Variants in BMPR1A observed in about 807,000 individuals in gnomAD.
BMPR1A encodes the protein bone morphogenetic protein receptor type 1A.
A neutral mutation model predicts 66.0 loss-of-function variants in BMPR1A; 7 were observed. The ratio of observed to expected loss-of-function variants is 0.11; its 90% CI spans 0.06 to 0.20. The LOEUF is 0.20. Among genes scored for constraint, BMPR1A ranks in the 10% least tolerant of loss-of-function variants. BMPR1A has a pLI of 1.00. For missense variants in BMPR1A, 408 were observed against 669.1 expected (o/e 0.61, Z 4.31); for synonymous variants, 200 against 229.7 (o/e 0.87, Z 1.17).
At chr10:86,813,923 G>T (rs535304820) in intron 1 of BMPR1A, among the ~76,000 whole-genome samples, 5 of 152,104 alleles carry the variant, frequency 3.3e-5, no homozygotes, top group Non-Finnish European at 7.3e-5. Context: ...GTTTATACTC[G>T]AAAGTTCTAC....
At chr10:86,774,764 T>G (rs1162975951) in intron 1 of BMPR1A, among the ~76,000 whole-genome samples, 1 of 152,218 alleles carries the variant, frequency 6.6e-6, no homozygotes, top group Non-Finnish European at 1.5e-5. Flanking sequence ...CAAGGATGAT[T>G]TGACCTTAGG....
At chr10:86,923,298 T>C in intron 11 of BMPR1A, 78 bp from the exon 12 acceptor site, 2 of 1,584,020 alleles carry the variant, frequency 1.3e-6, no homozygotes, top group Non-Finnish European at 1.7e-6. Flanking sequence ...TTCCATAGTT[T>C]AGCAAAAGAT....
At chr10:86,765,775 A>G (rs1841151854) in intron 1 of BMPR1A, among the ~76,000 whole-genome samples, 1 of 152,154 alleles carries the variant, frequency 6.6e-6, no homozygotes, top group Non-Finnish European at 1.5e-5. Context: ...TGAAGTAATG[A>G]AAGTCTTCTG....
chr10:86,814,529 T>G (rs1842008584), intron 1 of BMPR1A, among the ~76,000 whole-genome samples: 1 of 152,150 alleles, frequency 6.6e-6, no homozygotes, highest in Non-Finnish European at 1.5e-5. Context: ...TTGGGTTTTA[T>G]TCTTCATTTC....
chr10:86,780,020 C>T (rs1841411707), intron 1 of BMPR1A, among the ~76,000 whole-genome samples: 1 of 152,184 alleles, frequency 6.6e-6, no homozygotes, highest in African/African-American at 2.4e-5. Context: ...ATCCTCCCAC[C>T]TTGGCCTCCC....
At chr10:86,777,456 C>T (rs148923761) in intron 1 of BMPR1A, among the ~76,000 whole-genome samples, 19 of 151,962 alleles carry the variant, frequency 1.3e-4, no homozygotes, top group African/African-American at 3.9e-4. Flanking sequence ...TGGCATATGC[C>T]CGTAGTTCCA....
chr10:86,798,976 A>G (rs929546803), intron 1 of BMPR1A, among the ~76,000 whole-genome samples: 2 of 152,218 alleles, frequency 1.3e-5, no homozygotes, highest in African/African-American at 4.8e-5. Flanking sequence ...CTTTGTTTTT[A>G]GAGATTCTGG....
intron 1 of BMPR1A, among the ~76,000 whole-genome samples, chr10:86,836,365 A>G (rs1266395426): frequency 6.6e-6 from 1 of 152,210 alleles, no homozygotes; most frequent in Non-Finnish European, 1.5e-5. Flanking sequence ...ACTGTGGAGC[A>G]TATCCTTTCC....
At chr10:86,756,350 A>C (rs2132549986), upstream of BMPR1A, 1 of 151,238 alleles carries the variant, frequency 6.6e-6, no homozygotes, top group African/African-American at 2.4e-5. Context: ...AGCAGCCCCG[A>C]CTCCCGCCCG....
At chr10:86,766,109 C>T (rs1288888580) in intron 1 of BMPR1A, among the ~76,000 whole-genome samples, 1 of 151,746 alleles carries the variant, frequency 6.6e-6, no homozygotes, top group Non-Finnish European at 1.5e-5. Context: ...ATCTCAGCCT[C>T]CTGAATAGCT....
At chr10:86,839,053 C>T (rs1162337724) in intron 2 of BMPR1A, 74 bp downstream of exon 2, 1 of 152,154 alleles carries the variant, frequency 6.6e-6, no homozygotes, top group Non-Finnish European at 1.5e-5. Flanking sequence ...TCCTTCTACA[C>T]TGCAACTTTA....
chr10:86,918,737 C>T (rs1021536869), intron 9 of BMPR1A, among the ~76,000 whole-genome samples: 1 of 151,900 alleles, frequency 6.6e-6, no homozygotes, highest in Non-Finnish European at 1.5e-5. Flanking sequence ...ATTCTCTTGC[C>T]TCAGCCTCCA....
intron 8 of BMPR1A, 56 bp downstream of exon 8, chr10:86,912,440 A>G (rs1437319397): frequency 8.2e-6 from 13 of 1,576,674 alleles, no homozygotes; most frequent in Non-Finnish European, 1.1e-5. Flanking sequence ...ATGTGTCCTC[A>G]TGATGGTGGA....
At chr10:86,837,575 A>G (rs1706074952) in intron 1 of BMPR1A, among the ~76,000 whole-genome samples, 1 of 152,154 alleles carries the variant, frequency 6.6e-6, no homozygotes, top group Admixed American at 6.5e-5. Context: ...TCTTTTCTTG[A>G]TTAGTAAAAG....
At chr10:86,761,124 A>G (rs77070262) in intron 1 of BMPR1A, among the ~76,000 whole-genome samples, 79 of 152,358 alleles carry the variant, frequency 5.2e-4, no homozygotes, top group African/African-American at 1.7e-3. Flanking sequence ...TTAGGGGCAT[A>G]GGGAGATCAG....
At position 86,810,577 on chromosome 10, in the gene BMPR1A, T is replaced by C. The variant is rs528479937; in HGVS notation, c.-267-28288T>C. Among the ~76,000 whole-genome samples the C allele has an allele frequency of 3.6e-4, 55 of 152,350 alleles. 1 individual carries two copies. In the South Asian group the frequency reaches 8.3e-3, roughly 23 times the overall value. On this transcript the variant is annotated intron_variant, in intron 1 of 12. Transcript: ENST00000372037. ...GCTTCTCTGCATCCTTGGCAACATT[T>C]GTTATTATTTTTTTATTATAGCCAC...
intron 1 of BMPR1A, among the ~76,000 whole-genome samples, chr10:86,787,037 T>C (rs1241709155): frequency 6.6e-6 from 1 of 152,236 alleles, no homozygotes; most frequent in Non-Finnish European, 1.5e-5. Flanking sequence ...TTTATTGTTC[T>C]GAGAATAATA....
Position 86,925,429 on chromosome 10 carries a change from A to G in BMPR1A, c.*1710A>G, listed in dbSNP as rs1291681232. On this transcript the variant is annotated 3_prime_UTR_variant, in exon 13 of 13. Coordinates refer to ENST00000372037, the MANE Select transcript of BMPR1A (RefSeq NM_004329.3). ...ACTATCATTTAAGGTTAAAACTTAC[A>G]AATTTGTCTGCACATCAAATTTCAC... is the stretch of plus-strand genomic sequence containing the variant. 1.4e-5 allele frequency: 3 copies of G among 216,776 alleles called. No individual in the cohort carries two copies. The highest frequency in any genetic ancestry group is 1.2e-4 in the Admixed American group (2 of 17,284). The allele number at this position is 216,776 out of a possible 1,614,324, so 13.4% of individuals were successfully genotyped here. A position where few individuals can be genotyped will look rare whatever the true frequency, so the allele number is the denominator to read the frequency against.
At chr10:86,859,804 G>C (rs1042082109) in intron 2 of BMPR1A, among the ~76,000 whole-genome samples, 5 of 151,544 alleles carry the variant, frequency 3.3e-5, no homozygotes, top group African/African-American at 1.2e-4. Flanking sequence ...AGTGAGACTC[G>C]TCTCAAAAAA....
Sources: gnomAD v4.1 joint callset for allele counts (sites outside exome capture counted in the v4.1 genomes callset) on GRCh38, gnomAD v4.1.1 for gene constraint, MANE v1.5 for transcripts, NCBI Gene and HGNC (gene_info 2026-07-23, HGNC 2026-07-21) for gene names.